LHFPL4: variants seen among roughly 807,000 people sequenced by gnomAD.
The protein encoded by LHFPL4 is LHFPL tetraspan subfamily member 4, also known as LHFPL tetraspan subfamily member 4 protein.
A neutral mutation model predicts 20.0 loss-of-function variants in LHFPL4; 6 were observed. The ratio of observed to expected loss-of-function variants is 0.30; its 90% CI spans 0.16 to 0.59. LHFPL4 has a LOEUF of 0.59. Among genes scored for constraint, LHFPL4 ranks in the 20% least tolerant of loss-of-function variants. The probability of loss-of-function intolerance (pLI) is 0.88; values close to 1 mark genes in which losing one functional copy is unlikely to be tolerated. For synonymous variants in LHFPL4, 129 were observed against 143.8 expected (o/e 0.90, Z 0.74); for missense variants, 215 against 331.2 (o/e 0.65, Z 2.72).
intron 2 of LHFPL4, among the ~76,000 whole-genome samples, chr3:9,544,155 G>A (rs2046496585): frequency 6.6e-6 from 1 of 151,996 alleles, no homozygotes; most frequent in African/African-American, 2.4e-5. Flanking sequence ...GTTGTCTCTG[G>A]GAGAAACAGG....
intron 2 of LHFPL4, among the ~76,000 whole-genome samples, chr3:9,521,125 C>T (rs1219604284): frequency 6.6e-6 from 1 of 152,068 alleles, no homozygotes; most frequent in Non-Finnish European, 1.5e-5. Context: ...TATGTCTTAT[C>T]ATTTGGTAAT....
intron 2 of LHFPL4, among the ~76,000 whole-genome samples, chr3:9,516,744 G>A (rs2046305097): frequency 6.6e-6 from 1 of 150,760 alleles, no homozygotes; most frequent in African/African-American, 2.4e-5. Context: ...AAAGTGCTGG[G>A]ATTACAGGCG....
At chr3:9,520,310 G>A (rs572424388) in intron 2 of LHFPL4, among the ~76,000 whole-genome samples, 1 of 152,172 alleles carries the variant, frequency 6.6e-6, no homozygotes, top group South Asian at 2.1e-4. Context: ...AAATAAATAA[G>A]TAGAATATTT....
intron 2 of LHFPL4, among the ~76,000 whole-genome samples, chr3:9,514,231 C>T (rs1342864065): frequency 1.3e-5 from 2 of 151,972 alleles, no homozygotes; most frequent in Non-Finnish European, 2.9e-5. Context: ...CACTTGAGCC[C>T]AGAAGTTCAA....
chr3:9,511,170 T>G (rs1344540677), intron 2 of LHFPL4, among the ~76,000 whole-genome samples: 1 of 151,514 alleles, frequency 6.6e-6, no homozygotes, highest in African/African-American at 2.4e-5. Context: ...TCTAACACAG[T>G]GAAAACCCAT....
At chr3:9,538,769 G>A (rs535346739) in intron 2 of LHFPL4, among the ~76,000 whole-genome samples, 2 of 151,554 alleles carry the variant, frequency 1.3e-5, no homozygotes, top group East Asian at 3.9e-4. Flanking sequence ...CGCAATCTTG[G>A]CTCACTGCAA....
chr3:9,539,230 G>A (rs976726804), intron 2 of LHFPL4, among the ~76,000 whole-genome samples: 1 of 152,032 alleles, frequency 6.6e-6, no homozygotes, highest in Admixed American at 6.6e-5. Flanking sequence ...GAGGTGAGTG[G>A]ATCACTTGAG....
chr3:9,528,677 G>A (rs867503651), intron 2 of LHFPL4, among the ~76,000 whole-genome samples: 42 of 151,962 alleles, frequency 2.8e-4, no homozygotes, highest in African/African-American at 6.8e-4. Flanking sequence ...ATGCAGTGGC[G>A]CAATCTCAGC....
At chr3:9,513,018 GC>G (rs2046271298) in intron 2 of LHFPL4, among the ~76,000 whole-genome samples, 2 of 152,232 alleles carry the variant, frequency 1.3e-5, no homozygotes, top group South Asian at 2.1e-4. Flanking sequence ...GAGTGCAGTG[GC>G]CGCGATCTCG....
chr3:9,552,150 A>T lies in LHFPL4; in HGVS notation c.406+124T>A, dbSNP rs1037383900. ...AATACCCACTGAGGGTCCGTCAGCC[A>T]AAGAGGTGAGTGTCTTAACACAGAG... On this transcript the variant is annotated intron_variant, in intron 2 of 3. Coordinates refer to ENST00000287585, the MANE Select transcript of LHFPL4 (RefSeq NM_198560.3). 4.4e-6 allele frequency: 5 copies of T among 1,140,002 alleles called. No homozygotes were observed. In the East Asian group the frequency reaches 1.9e-4, roughly 43 times the overall value. The allele number at this position is 1,140,002 out of a possible 1,614,324, so 70.6% of individuals were successfully genotyped here.
intron 2 of LHFPL4, among the ~76,000 whole-genome samples, chr3:9,546,229 C>T (rs529731499): frequency 1.1e-4 from 17 of 149,518 alleles, no homozygotes; most frequent in African/African-American, 2.7e-4. Flanking sequence ...ACAGAAGAAT[C>T]GCTTGAACCC....
intron 2 of LHFPL4, among the ~76,000 whole-genome samples, chr3:9,513,445 C>T (rs1246065679): frequency 6.6e-6 from 1 of 152,142 alleles, no homozygotes; most frequent in Non-Finnish European, 1.5e-5. Context: ...GCTTCTCCCA[C>T]CTCAGCTTCC....
chr3:9,535,506 G>T (rs944727480), intron 2 of LHFPL4, among the ~76,000 whole-genome samples: 1 of 152,114 alleles, frequency 6.6e-6, no homozygotes, highest in Non-Finnish European at 1.5e-5. Context: ...GAGACACTAA[G>T]ACTACGGGTG....
intron 2 of LHFPL4, among the ~76,000 whole-genome samples, chr3:9,523,115 C>A (rs1257860811): frequency 2.8e-5 from 4 of 140,632 alleles, no homozygotes; most frequent in South Asian, 4.7e-4. Context: ...AGAAAGCAAG[C>A]AAGCAAGCAA....
At chr3:9,505,928 T>C (rs757907406) in intron 3 of LHFPL4, 39 bp downstream of exon 3, 5 of 1,573,486 alleles carry the variant, frequency 3.2e-6, no homozygotes, top group Non-Finnish European at 4.4e-6. Context: ...GGACCAGGCC[T>C]GGCTCCCGCC....
In LHFPL4 at chr3:9,547,783, TG is replaced by T. The variant is rs536363727; in HGVS notation, c.406+4490del. Among the ~76,000 whole-genome samples, 316 of 143,474 alleles carry T rather than the reference TG, an allele frequency of 2.2e-3. 4 individuals are homozygous for T. The highest frequency in any genetic ancestry group is 8.2e-3 in the African/African-American group (294 of 35,846). The allele number at this position is 143,474 out of a possible 152,430, so 94.1% of individuals were successfully genotyped here. On this transcript the variant is annotated intron_variant, in intron 2 of 3. Coordinates refer to ENST00000287585, the MANE Select transcript of LHFPL4 (RefSeq NM_198560.3). The stretch of plus-strand genomic sequence containing the variant: ...CTTTAACCAAGATCTCGGAGATTTT[TG>T]TTCTTTGTTTTGTTTTGTTTTGTTT...
chr3:9,519,060 C>T (rs906628583), intron 2 of LHFPL4, among the ~76,000 whole-genome samples: 1 of 152,104 alleles, frequency 6.6e-6, no homozygotes, highest in Non-Finnish European at 1.5e-5. Context: ...GTCTCAGCCT[C>T]CTGAGTAGCT....
At chr3:9,529,729 G>T (rs1471977044) in intron 2 of LHFPL4, among the ~76,000 whole-genome samples, 1 of 151,958 alleles carries the variant, frequency 6.6e-6, no homozygotes, top group East Asian at 1.9e-4. Flanking sequence ...CTACCTCCCG[G>T]GTTCAAGCAA....
At chr3:9,509,190 A>C (rs2648421) in intron 2 of LHFPL4, among the ~76,000 whole-genome samples, 1 of 150,400 alleles carries the variant, frequency 6.6e-6, no homozygotes, top group East Asian at 2.0e-4. Context: ...TCTCTCTTTC[A>C]TTCTGTGTCT....
Sources: gnomAD v4.1 joint callset for allele counts (sites outside exome capture counted in the v4.1 genomes callset) on GRCh38, gnomAD v4.1.1 for gene constraint, MANE v1.5 for transcripts, NCBI Gene and HGNC (gene_info 2026-07-23, HGNC 2026-07-21) for gene names.